The following KCNU1 variants were observed in gnomAD, a reference collection of about 807,000 sequenced individuals.
KCNU1 encodes the protein potassium calcium-activated channel subfamily U member 1.
Under a neutral mutation model 126.8 loss-of-function variants are expected in KCNU1, and 93 were observed. The observed-to-expected ratio is 0.73, with a 90% confidence interval of 0.62 to 0.87. KCNU1 has a LOEUF of 0.87. KCNU1 is among the 40% of genes least tolerant of loss of function. The pLI is 0.00. For synonymous variants in KCNU1, 523 were observed against 494.2 expected (o/e 1.06, Z -0.77); for missense variants, 1,330 against 1,367.1 (o/e 0.97, Z 0.43).
At chr8:36,890,710 G>A (rs914811622) in intron 19 of KCNU1, among the ~76,000 whole-genome samples, 3 of 151,850 alleles carry the variant, frequency 2.0e-5, no homozygotes, top group African/African-American at 7.2e-5. Flanking sequence ...TATTGTTAGA[G>A]TTGATAAAGA....
intron 18 of KCNU1, among the ~76,000 whole-genome samples, chr8:36,861,323 C>G (rs1016753974): frequency 6.6e-6 from 1 of 152,176 alleles, no homozygotes; most frequent in Non-Finnish European, 1.5e-5. Context: ...GATTTCCAAT[C>G]GTTAGCATTA....
intron 1 of KCNU1, among the ~76,000 whole-genome samples, chr8:36,786,261 GT>G (rs1053775420): frequency 2.6e-5 from 4 of 152,060 alleles, no homozygotes; most frequent in African/African-American, 9.7e-5. Flanking sequence ...GGACCAATTT[GT>G]TTTTCCACAG....
intron 21 of KCNU1, among the ~76,000 whole-genome samples, chr8:36,910,302 A>ATTTGC: frequency 6.6e-6 from 1 of 152,292 alleles, no homozygotes; most frequent in Middle Eastern, 3.4e-3. Context: ...AGCAAATTGC[A>ATTTGC]TTTGCTTTTT....
chr8:36,897,703 G>A (rs776391539), intron 19 of KCNU1, among the ~76,000 whole-genome samples: 14 of 151,836 alleles, frequency 9.2e-5, no homozygotes, highest in Admixed American at 2.6e-4. Flanking sequence ...GCACTTCTAC[G>A]GCCCACTAAA....
intron 26 of KCNU1, among the ~76,000 whole-genome samples, chr8:36,934,627 A>G (rs1808800537): frequency 6.6e-6 from 1 of 152,180 alleles, no homozygotes; most frequent in Non-Finnish European, 1.5e-5. Flanking sequence ...TTTTAAAAAT[A>G]GAATTGAGGC....
At chr8:36,841,502 G>T (rs541115541) in intron 16 of KCNU1, among the ~76,000 whole-genome samples, 1 of 152,216 alleles carries the variant, frequency 6.6e-6, no homozygotes, top group Admixed American at 6.5e-5. Flanking sequence ...GAGCAGCCTG[G>T]CCAACATGGT....
rs199629162 is a variant in KCNU1, at chr8:36,922,583, C to T, written c.2690C>T (p.Thr897Met). Residue 897 changes from threonine (T) to methionine (M), a missense_variant, in exon 24 of 27, where the codon ACG becomes ATG. Physicochemically the swap from Thr to Met is moderately conservative, Grantham distance 81. This residue lies in a region of KCNU1 where 1,054 missense variants were observed against 1,053.9 expected (regional missense o/e 1.00). Coordinates refer to ENST00000399881, the MANE Select transcript of KCNU1 (RefSeq NM_001031836.3). Reference protein sequence around the residue: ...TNLHLSTAFSTGTVFSGSFLD... With the variant: ...TNLHLSTAFSMGTVFSGSFLD... ...CTGCATCTCAGCACTGCCTTTTCTA[C>T]GGGCACTGTTTTTTCCGGCAGCTTC... 6.9e-5 allele frequency: 111 copies of T among 1,613,708 alleles called. No individual in the cohort carries two copies. The East Asian group carries it at 1.1e-3, about 16-fold the overall frequency.
In KCNU1 at chr8:36,924,992, A is replaced by G. The variant is rs149339517; in HGVS notation, c.2736+2363A>G. Among the ~76,000 whole-genome samples the G allele has an allele frequency of 1.3e-3, 203 of 152,278 alleles. 1 individual carries two copies. The highest frequency in any genetic ancestry group is 4.5e-3 in the African/African-American group (185 of 41,556). On this transcript the variant is annotated intron_variant, in intron 24 of 26. Transcript: ENST00000399881. ...CAACAACGAATGAACACACAATCACAAGCCAGTATGAGGAACACAGATTTG... is the reference window on the plus strand; with the variant it reads ...CAACAACGAATGAACACACAATCACGAGCCAGTATGAGGAACACAGATTTG...
At chr8:36,929,039 A>T in intron 24 of KCNU1, 1 of 699,112 alleles carries the variant, frequency 1.4e-6, no homozygotes, top group South Asian at 1.5e-5. Flanking sequence ...AAGCAATGCT[A>T]AAAGGTAAGT....
At chr8:36,928,908 G>C (rs989196635) in intron 24 of KCNU1, 17 of 634,968 alleles carry the variant, frequency 2.7e-5, no homozygotes, top group Admixed American at 5.0e-5. Context: ...TGATCCAGGA[G>C]ATCTGGGATC....
At chr8:36,926,238 G>A (rs1808527223) in intron 24 of KCNU1, among the ~76,000 whole-genome samples, 1 of 152,118 alleles carries the variant, frequency 6.6e-6, no homozygotes, top group Non-Finnish European at 1.5e-5. Context: ...TTGGTTTTCA[G>A]ATCCAAGTGT....
chr8:36,818,466 T>C (rs1585411728), intron 10 of KCNU1, among the ~76,000 whole-genome samples: 1 of 152,188 alleles, frequency 6.6e-6, no homozygotes, highest in Non-Finnish European at 1.5e-5. Flanking sequence ...GTTATACATG[T>C]TTTTCTTCCA....
intron 18 of KCNU1, among the ~76,000 whole-genome samples, chr8:36,857,287 G>T (rs1248762348): frequency 6.6e-6 from 1 of 152,174 alleles, no homozygotes; most frequent in Non-Finnish European, 1.5e-5. Context: ...ATAAATGAGA[G>T]CTGTGAAGAG....
At chr8:36,924,467 T>A (rs1488826199) in intron 24 of KCNU1, among the ~76,000 whole-genome samples, 1 of 152,202 alleles carries the variant, frequency 6.6e-6, no homozygotes, top group African/African-American at 2.4e-5. Flanking sequence ...GGGCTCTGCC[T>A]CTTTAAGCCG....
chr8:36,933,924 T>A (rs547833955), intron 26 of KCNU1, among the ~76,000 whole-genome samples: 1 of 151,988 alleles, frequency 6.6e-6, no homozygotes, highest in Non-Finnish European at 1.5e-5. Flanking sequence ...TATCAGGAGT[T>A]GAGAAAGGAG....
intron 5 of KCNU1, among the ~76,000 whole-genome samples, chr8:36,807,022 T>C (rs192932238): frequency 6.6e-6 from 1 of 152,290 alleles, no homozygotes; most frequent in Admixed American, 6.5e-5. Flanking sequence ...AAAGAAGAGT[T>C]AAATAGAGTA....
chr8:36,857,603 GT>G (rs1563298698), intron 18 of KCNU1, among the ~76,000 whole-genome samples: 1 of 149,636 alleles, frequency 6.7e-6, no homozygotes, highest in East Asian at 2.0e-4. Context: ...GTTTTGTTTT[GT>G]TTTTTGTTTG....
At chr8:36,844,920 A>G (rs1805088828) in intron 16 of KCNU1, among the ~76,000 whole-genome samples, 1 of 152,236 alleles carries the variant, frequency 6.6e-6, no homozygotes, top group Non-Finnish European at 1.5e-5. Flanking sequence ...GCCATAGCAG[A>G]GTACTGCATC....
intron 2 of KCNU1, among the ~76,000 whole-genome samples, chr8:36,789,539 C>G (rs1198420868): frequency 6.6e-6 from 1 of 152,094 alleles, no homozygotes; most frequent in East Asian, 1.9e-4. Context: ...ACATGCTAGG[C>G]CAACACTCTA....
Sources: allele counts gnomAD v4.1 joint callset (sites outside exome capture counted in the v4.1 genomes callset), GRCh38; gene constraint gnomAD v4.1.1; regional missense constraint gnomAD v4.1.1; transcripts MANE v1.5; gene names NCBI Gene and HGNC (gene_info 2026-07-23, HGNC 2026-07-21).